STAT4: variants seen among roughly 807,000 people sequenced by gnomAD.
STAT4 encodes the protein signal transducer and activator of transcription 4.
A neutral mutation model predicts 110.5 loss-of-function variants in STAT4; 42 were observed. The ratio of observed to expected loss-of-function variants is 0.38; its 90% CI spans 0.30 to 0.49. The LOEUF is 0.49. STAT4 is among the 20% of genes least tolerant of loss of function. The probability of loss-of-function intolerance (pLI) is 0.95; values close to 1 mark genes in which losing one functional copy is unlikely to be tolerated. For missense variants in STAT4, 632 were observed against 887.9 expected, an observed-to-expected ratio of 0.71 and a Z score of 3.66; for synonymous variants, 284 against 302.2, an observed-to-expected ratio of 0.94 and a Z score of 0.63.
rs1699145167 is a variant in STAT4, at chr2:191,135,183, G to C, written c.273+11430C>G. Among the ~76,000 whole-genome samples the C allele has an allele frequency of 6.6e-6, 1 of 151,874 alleles. No individual in the cohort carries two copies. Among genetic ancestry groups the C allele is most frequent in the Non-Finnish European group, 1.5e-5 (1 of 67,964 alleles). ...TAGACTAACCATAAAAAAGAGAGAT[G>C]ACCCAAATAAATAAAATCAGAAATG... On this transcript the variant is annotated intron_variant, in intron 3 of 23. Transcript: ENST00000392320. The surrounding 1 kb of genome is among the most constrained non-coding windows in gnomAD (Gnocchi z 4.8).
At chr2:191,148,255 A>T in intron 1 of STAT4, 51 bp from the exon 2 acceptor site, 1 of 1,572,174 alleles carries the variant, frequency 6.4e-7, no homozygotes, top group Non-Finnish European at 8.6e-7. Flanking sequence ...TCATAGCCCT[A>T]GTACATATTT....
rs1303890804 is a variant in STAT4, at chr2:191,085,867, T to C, written c.274-9542A>G. Among the ~76,000 whole-genome samples the C allele has an allele frequency of 2.0e-5, 3 of 152,336 alleles. No individual in the cohort carries two copies. In the South Asian group the frequency reaches 6.2e-4, roughly 32 times the overall value. ...GAAAATTTAAATAATTTTATTACTT[T>C]TTTTGTTTCAAACTTTACTGATTCT... On this transcript the variant is annotated intron_variant, in intron 3 of 23. Transcript: ENST00000392320.
Position 191,123,772 on chromosome 2 carries a change from G to A in STAT4, c.273+22841C>T, listed in dbSNP as rs530149295. Among the ~76,000 whole-genome samples, 9 of 152,314 alleles carry A rather than the reference G, an allele frequency of 5.9e-5. No individual in the cohort carries two copies. The East Asian group carries it at 1.7e-3, about 29-fold the overall frequency. ...GTTCATCCTCATGTTTGCTTAGCTG[G>A]CTGGGAGCAGGGGCTCGCTGCGACT... On this transcript the variant is annotated intron_variant, in intron 3 of 23. Coordinates refer to ENST00000392320, the MANE Select transcript of STAT4 (RefSeq NM_003151.4).
intron 3 of STAT4, among the ~76,000 whole-genome samples, chr2:191,088,253 A>G (rs1697694121): frequency 6.6e-6 from 1 of 152,196 alleles, no homozygotes; most frequent in African/African-American, 2.4e-5. Flanking sequence ...ACAAAAGTCA[A>G]TTGCTTTCCT....
rs1224621155 is a variant in STAT4, at chr2:191,107,009, G to A, written c.274-30684C>T. Among the ~76,000 whole-genome samples the A allele has an allele frequency of 3.3e-5, 5 of 152,196 alleles. No individual in the cohort carries two copies. The highest frequency in any genetic ancestry group is 2.6e-4 in the Admixed American group (4 of 15,278). On this transcript the variant is annotated intron_variant, in intron 3 of 23. Coordinates refer to ENST00000392320, the MANE Select transcript of STAT4 (RefSeq NM_003151.4). The surrounding 1 kb of genome is among the most constrained non-coding windows in gnomAD (Gnocchi z 4.2). ...GTTTGGTGATACATTTGGATTGTCA[G>A]TCAAGTGATATTTGGACTTGATAGA...
At position 191,092,983 on chromosome 2, in the gene STAT4, A is replaced by T. The variant is rs533488858; in HGVS notation, c.274-16658T>A. On this transcript the variant is annotated intron_variant, in intron 3 of 23. Transcript: ENST00000392320. The stretch of plus-strand genomic sequence containing the variant: ...TGAGATCCACCCGCAAGGCAGCAGC[A>T]TGGCAGGGGAAGGAGCATCTGCCAT... Among the ~76,000 whole-genome samples, 341 of 152,306 alleles carry T rather than the reference A, an allele frequency of 2.2e-3. 2 individuals are homozygous for T. The highest frequency in any genetic ancestry group is 7.3e-3 in the African/African-American group (305 of 41,580).
intron 3 of STAT4, among the ~76,000 whole-genome samples, chr2:191,105,574 C>G (rs1023152007): frequency 1.3e-5 from 2 of 152,108 alleles, no homozygotes; most frequent in Admixed American, 6.6e-5. Context: ...ACATAAAACA[C>G]AGCAAAAGCA....
chr2:191,149,008 C>T (rs1282166442), intron 1 of STAT4, among the ~76,000 whole-genome samples: 2 of 152,098 alleles, frequency 1.3e-5, no homozygotes, highest in Non-Finnish European at 2.9e-5. Context: ...ACGCATTTCC[C>T]CCTTGTAACC....
In STAT4 at chr2:191,146,589, T is replaced by C. The variant is rs1699465857; in HGVS notation, c.273+24A>G. The C allele has an allele frequency of 6.9e-7, 1 of 1,453,696 alleles. No individual in the cohort carries two copies. Among genetic ancestry groups the C allele is most frequent in the Non-Finnish European group, 9.1e-7 (1 of 1,097,790 alleles). 90.0% of individuals were successfully genotyped at this position (1,453,696 alleles called of 1,614,324 possible). On this transcript the variant is annotated intron_variant, in intron 3 of 23. Transcript: ENST00000392320. This position sits in a 1 kb window ranked among gnomAD's most constrained non-coding sequence, Gnocchi z 4.5. ...TTAAGACTCATATATCCAAATATTT[T>C]GGAAAAGTAGAATGCATTCTTACCT...
rs1279159910 is a variant in STAT4, at chr2:191,083,473, C to T, written c.274-7148G>A. Among the ~76,000 whole-genome samples, 1 of 152,156 alleles carries T rather than the reference C, an allele frequency of 6.6e-6. No individual in the cohort carries two copies. Among genetic ancestry groups the T allele is most frequent in the Non-Finnish European group, 1.5e-5 (1 of 68,030 alleles). Reference sequence around the variant, plus strand: ...GCCAAGAAGATGTGAACAGGACAGCCCCACCTCTGCTGTACCAGCTCTTCT... The same window carrying T: ...GCCAAGAAGATGTGAACAGGACAGCTCCACCTCTGCTGTACCAGCTCTTCT... On this transcript the variant is annotated intron_variant, in intron 3 of 23. Transcript: ENST00000392320. This position sits in a 1 kb window ranked among gnomAD's most constrained non-coding sequence, Gnocchi z 4.6.
At chr2:191,036,344 G>C in intron 16 of STAT4, 45 bp from the exon 17 acceptor site, 3 of 1,601,934 alleles carry the variant, frequency 1.9e-6, no homozygotes, top group Non-Finnish European at 2.6e-6. Flanking sequence ...TCTTACAGTG[G>C]GTAGCTAGTG....
intron 3 of STAT4, among the ~76,000 whole-genome samples, chr2:191,093,551 A>C (rs1697868134): frequency 6.6e-6 from 1 of 152,206 alleles, no homozygotes; most frequent in African/African-American, 2.4e-5. Context: ...AACATCAACA[A>C]AAAGGATATC....
rs3024886 is a variant in STAT4 at position 191,035,723 on chromosome 2, G to A, written c.1570+441C>T. 0.25 allele frequency among the ~76,000 whole-genome samples: 37,783 copies of A among 152,150 alleles called. 5,217 individuals carry two copies. The highest frequency in any genetic ancestry group is 0.44 in the East Asian group (2,255 of 5,176). On this transcript the variant is annotated intron_variant, in intron 17 of 23. Transcript: ENST00000392320. The surrounding 1 kb of genome is among the most constrained non-coding windows in gnomAD (Gnocchi z 4.7). ...TTTCCTAGACCTAGTGAAGAAATCA[G>A]TCATTTTCCAGTTGGTTAATGTCAA...
chr2:191,066,554 T>C lies in STAT4; in HGVS notation c.545-39A>G. On this transcript the variant is annotated intron_variant, in intron 6 of 23. Coordinates refer to ENST00000392320, the MANE Select transcript of STAT4 (RefSeq NM_003151.4). The surrounding 1 kb of genome is among the most constrained non-coding windows in gnomAD (Gnocchi z 4.3). ...GAGATCAGATTTAGAGTTCTCTCTA[T>C]TCCTGAAAGTCAAGTCAGCCTCAAT... The C allele has an allele frequency of 1.9e-6, 3 of 1,587,256 alleles. No individual in the cohort carries two copies. The highest frequency in any genetic ancestry group is 2.6e-6 in the Non-Finnish European group (3 of 1,158,844).
At chr2:191,045,402 C>T (rs915850198) in intron 14 of STAT4, among the ~76,000 whole-genome samples, 7 of 152,136 alleles carry the variant, frequency 4.6e-5, no homozygotes, top group Non-Finnish European at 8.8e-5. Context: ...GAATTATTCT[C>T]AATGTGTGTA....
chr2:191,055,198 C>CT (rs1391835817), intron 13 of STAT4, among the ~76,000 whole-genome samples: 2 of 151,150 alleles, frequency 1.3e-5, no homozygotes, highest in South Asian at 2.1e-4. Flanking sequence ...TAAAATTTTT[C>CT]TTTTTTTTCT....
chr2:191,055,413 G>T (rs1331540494), intron 13 of STAT4, among the ~76,000 whole-genome samples: 1 of 129,556 alleles, frequency 7.7e-6, no homozygotes, highest in African/African-American at 3.1e-5. Context: ...TAGAGACGGG[G>T]TTTCACTGTG....
rs551326032 is a variant in STAT4, at chr2:191,116,866, G to A, written c.273+29747C>T. ...GTCTCAGAAATGACAAGATGCTTGA[G>A]GTGGACAGTAAATAAATCTTTGGGA... is the stretch of plus-strand genomic sequence containing the variant. On this transcript the variant is annotated intron_variant, in intron 3 of 23. Coordinates refer to ENST00000392320, the MANE Select transcript of STAT4 (RefSeq NM_003151.4). The surrounding 1 kb of genome is among the most constrained non-coding windows in gnomAD (Gnocchi z 4.1). Among the ~76,000 whole-genome samples, 28 of 152,264 alleles carry A rather than the reference G, an allele frequency of 1.8e-4. No individual in the cohort carries two copies. The South Asian group carries it at 5.8e-3, about 32-fold the overall frequency.
chr2:191,131,743 T>C (rs1171410905), intron 3 of STAT4: 3 of 1,267,830 alleles, frequency 2.4e-6, no homozygotes, highest in Non-Finnish European at 3.0e-6. Context: ...TTAGAAGGAA[T>C]AGATGGGTAC....
Sources: allele counts gnomAD v4.1 joint callset (sites outside exome capture counted in the v4.1 genomes callset), GRCh38; gene constraint gnomAD v4.1.1; non-coding constraint Gnocchi (gnomAD v3.1); transcripts MANE v1.5; gene names NCBI Gene and HGNC (gene_info 2026-07-23, HGNC 2026-07-21).